The following XIAP variants were observed in gnomAD, a reference collection of about 807,000 sequenced individuals.
The protein encoded by XIAP is E3 ubiquitin-protein ligase XIAP.
In XIAP, 3 loss-of-function variants were observed where a neutral mutation model predicts 33.1. That is an observed-to-expected ratio of 0.09 (90% CI 0.04 to 0.23). The LOEUF (loss-of-function observed/expected upper bound fraction) is 0.23, where lower values mean the gene tolerates loss of function less well. XIAP is among the 10% of genes least tolerant of loss of function. The pLI is 1.00. For synonymous variants in XIAP, 98 were observed against 121.3 expected (o/e 0.81, Z 1.26); for missense variants, 264 against 363.0 (o/e 0.73, Z 2.22).
At chrX:123,878,277 GTA>G (rs1197822968) in intron 1 of XIAP, among the ~76,000 whole-genome samples, 11 of 85,980 alleles carry the variant, frequency 1.3e-4, no homozygotes, top group Non-Finnish European at 2.3e-4. Flanking sequence ...TCCATTTAAA[GTA>G]TATAGTTCAG....
intron 5 of XIAP, among the ~76,000 whole-genome samples, chrX:123,896,673 C>T (rs937786787): frequency 4.0e-5 from 4 of 100,384 alleles, no homozygotes; most frequent in South Asian, 5.4e-4. Context: ...CTCCGCCTCC[C>T]GGGCTCAAGC....
intron 4 of XIAP, among the ~76,000 whole-genome samples, chrX:123,891,823 T>TAAA (rs11325824): frequency 6.5e-5 from 5 of 76,472 alleles, no homozygotes; most frequent in Admixed American, 1.6e-4. Context: ...CCCTATCTCT[T>TAAA]AAAAAAAAAA....
intron 1 of XIAP, among the ~76,000 whole-genome samples, chrX:123,870,943 T>C (rs1199713202): frequency 9.1e-6 from 1 of 109,319 alleles, no homozygotes; most frequent in Non-Finnish European, 1.9e-5. Context: ...TGTGTGTGCG[T>C]GTGTGTGTGT....
chrX:123,881,158 C>A (rs989270890), intron 1 of XIAP, among the ~76,000 whole-genome samples: 14 of 111,130 alleles, frequency 1.3e-4, no homozygotes, highest in Non-Finnish European at 2.4e-4. Context: ...TTTCCACTTA[C>A]CCAGTACAAA....
Position 123,885,711 on chromosome X carries a change from A to G in XIAP, c.49A>G (p.Ile17Val). The change falls in exon 2 of 7, where the codon ATC becomes GTC. Residue 17 changes from isoleucine to valine, a missense_variant. Physicochemically the swap from Ile to Val is conservative, Grantham distance 29. Coordinates refer to ENST00000371199, the MANE Select transcript of XIAP (RefSeq NM_001167.4). ...EGSKTCVPAD[I>V]NKEEEFVEEF... ...ATCTAAAACTTGTGTACCTGCAGACATCAATAAGGAAGAAGAATTTGTAGA... is the reference window on the plus strand; with the variant it reads ...ATCTAAAACTTGTGTACCTGCAGACGTCAATAAGGAAGAAGAATTTGTAGA... The G allele has an allele frequency of 3.3e-6, 4 of 1,211,088 alleles. No homozygotes were observed. The highest frequency in any genetic ancestry group is 4.5e-6 in the Non-Finnish European group (4 of 895,143).
intron 4 of XIAP, among the ~76,000 whole-genome samples, chrX:123,892,240 G>A (rs1304900272): frequency 1.8e-5 from 2 of 110,459 alleles, no homozygotes; most frequent in African/African-American, 6.6e-5. Flanking sequence ...AATGGCGGGC[G>A]CCTGTAATCT....
chrX:123,894,519 A>G (rs2053440911), intron 5 of XIAP, among the ~76,000 whole-genome samples: 1 of 112,398 alleles, frequency 8.9e-6, no homozygotes, highest in Non-Finnish European at 1.9e-5. Flanking sequence ...CTATAATCCC[A>G]GCACTTTGGG....
At chrX:123,898,945 C>G (rs2053484957) in intron 5 of XIAP, among the ~76,000 whole-genome samples, 1 of 101,705 alleles carries the variant, frequency 9.8e-6, no homozygotes, top group Non-Finnish European at 2.0e-5. Context: ...ATAGTGAAAC[C>G]CCATCTCTAC....
rs1456029746 is a variant in XIAP at position 123,890,117 on chromosome X, C to T, written c.978-1121C>T. On this transcript the variant is annotated intron_variant, in intron 3 of 6. Coordinates refer to ENST00000371199, the MANE Select transcript of XIAP (RefSeq NM_001167.4). ...CTGCAAGCTCCGCCTCCCGGGTTCACGCCATTCTCCTGCCTCAGCCTCCCG... is the reference window on the plus strand; with the variant it reads ...CTGCAAGCTCCGCCTCCCGGGTTCATGCCATTCTCCTGCCTCAGCCTCCCG... Among the ~76,000 whole-genome samples, 12 of 90,708 alleles carry T rather than the reference C, an allele frequency of 1.3e-4. 1 individual carries two copies. The Middle Eastern group carries it at 0.025, about 189-fold the overall frequency. The allele number at this position is 90,708 out of a possible 115,157, so 78.8% of individuals were successfully genotyped here.
At position 123,898,269 on chromosome X, in the gene XIAP, A is replaced by G. The variant is rs1248511140; in HGVS notation, c.1100-2224A>G. ...AGTTCAGGCCCTTCCTTGTTTTTCAACTGGACAATTGTAGTAGTCTCCTAA... is the reference window on the plus strand; with the variant it reads ...AGTTCAGGCCCTTCCTTGTTTTTCAGCTGGACAATTGTAGTAGTCTCCTAA... On this transcript the variant is annotated intron_variant, in intron 5 of 6. Coordinates refer to ENST00000371199, the MANE Select transcript of XIAP (RefSeq NM_001167.4). 4.5e-5 allele frequency among the ~76,000 whole-genome samples: 5 copies of G among 112,315 alleles called. No individual in the cohort carries two copies. The South Asian group carries it at 1.1e-3, about 25-fold the overall frequency.
intron 6 of XIAP, among the ~76,000 whole-genome samples, chrX:123,903,642 TG>T (rs200587021): frequency 0.3 from 20,175 of 67,829 alleles, 2,394 homozygotes; most frequent in African/African-American, 0.34. Flanking sequence ...TTTTGTTTTT[TG>T]TTTTTTTTAG....
intron 2 of XIAP, among the ~76,000 whole-genome samples, chrX:123,888,150 A>G (rs1012469302): frequency 9.0e-6 from 1 of 111,229 alleles, no homozygotes; most frequent in African/African-American, 3.3e-5. Flanking sequence ...GCTGGCCAAC[A>G]TGGTGAAACC....
chrX:123,862,241 G>C (rs183764056), intron 1 of XIAP, among the ~76,000 whole-genome samples: 26 of 108,452 alleles, frequency 2.4e-4, no homozygotes, highest in Admixed American at 2.3e-3. Flanking sequence ...GCTAATTTTT[G>C]TATTTTTAGT....
Position 123,900,509 on chromosome X carries a change from A to C in XIAP, c.1116A>C (p.Gln372His). 1 of 1,209,840 alleles carries C rather than the reference A, an allele frequency of 8.3e-7. No homozygotes were observed. The highest frequency in any genetic ancestry group is 1.7e-5 in the African/African-American group (1 of 57,809). ...TTATTTCAGATGATACCATCTTCCAAAATCCTATGGTACAAGAAGCTATAC... is the reference window on the plus strand; with the variant it reads ...TTATTTCAGATGATACCATCTTCCACAATCCTATGGTACAAGAAGCTATAC... Reference protein sequence around the residue: ...LTRRIDDTIFQNPMVQEAIRM... With the variant: ...LTRRIDDTIFHNPMVQEAIRM... The change falls in exon 6 of 7, where the codon CAA becomes CAC. Residue 372 changes from glutamine (Q) to histidine (H), a missense_variant. Physicochemically the swap from Gln to His is conservative, Grantham distance 24. Coordinates refer to ENST00000371199, the MANE Select transcript of XIAP (RefSeq NM_001167.4).
chrX:123,896,613 C>T (rs1190451239), intron 5 of XIAP, among the ~76,000 whole-genome samples: 1 of 101,946 alleles, frequency 9.8e-6, no homozygotes, highest in Non-Finnish European at 2.0e-5. Flanking sequence ...CGGAGTCTTG[C>T]TCTGTTGCCC....
chrX:123,897,649 G>A (rs756794117), intron 5 of XIAP, among the ~76,000 whole-genome samples: 4 of 110,551 alleles, frequency 3.6e-5, no homozygotes, highest in Non-Finnish European at 5.7e-5. Context: ...TGCAACCACC[G>A]ACTCCCGGGT....
intron 1 of XIAP, among the ~76,000 whole-genome samples, chrX:123,883,472 G>C (rs773260910): frequency 1.3e-3 from 131 of 100,521 alleles, no homozygotes; most frequent in Admixed American, 3.5e-3. Context: ...AGGTAGCCTT[G>C]GTTTTTTTCT....
chrX:123,889,996 C>CTTTT (rs2053389561), intron 3 of XIAP, among the ~76,000 whole-genome samples: 1 of 65,963 alleles, frequency 1.5e-5, no homozygotes, highest in East Asian at 5.8e-4. Context: ...CAGTTGTTCA[C>CTTTT]ATTTTTTTTT....
At chrX:123,878,609 C>G (rs1037997224) in intron 1 of XIAP, 5 of 113,624 alleles carry the variant, frequency 4.4e-5, no homozygotes, top group African/African-American at 1.6e-4. Flanking sequence ...TATGATAGTT[C>G]CATCTTCTAA....
Sources: allele counts gnomAD v4.1 joint callset (sites outside exome capture counted in the v4.1 genomes callset), GRCh38; gene constraint gnomAD v4.1.1; transcripts MANE v1.5; gene names NCBI Gene and HGNC (gene_info 2026-07-23, HGNC 2026-07-21).